IGF2BP1: variants seen among roughly 807,000 people sequenced by gnomAD.
The protein encoded by IGF2BP1 is insulin like growth factor 2 mRNA binding protein 1.
IGF2BP1 carries 11 observed loss-of-function variants against 74.9 expected under a neutral mutation model. That is an observed-to-expected ratio of 0.15 (90% confidence interval 0.09 to 0.24). The LOEUF (loss-of-function observed/expected upper bound fraction) is 0.24, where lower values mean the gene tolerates loss of function less well. Among genes scored for constraint, IGF2BP1 ranks in the 10% least tolerant of loss-of-function variants. The probability of loss-of-function intolerance (pLI) is 1.00; values close to 1 mark genes in which losing one functional copy is unlikely to be tolerated. For synonymous variants in IGF2BP1, 287 were observed against 281.8 expected, an observed-to-expected ratio of 1.02 and a Z score of -0.18; for missense variants, 440 against 757.4, an observed-to-expected ratio of 0.58 and a Z score of 4.92.
chr17:49,033,633 G>C (rs535752106), intron 5 of IGF2BP1, among the ~76,000 whole-genome samples: 1 of 151,648 alleles, frequency 6.6e-6, no homozygotes, highest in South Asian at 2.1e-4. Context: ...GTGAGCCACC[G>C]CACCCGGCTG....
At chr17:48,997,067 T>C (rs1567804952), upstream of IGF2BP1, among the ~76,000 whole-genome samples, 1 of 151,968 alleles carries the variant, frequency 6.6e-6, no homozygotes, top group Non-Finnish European at 1.5e-5. This position sits in a 1 kb window ranked among gnomAD's most constrained non-coding sequence, Gnocchi z 4.8. Context: ...AACCGTACAT[T>C]TTACCCTTTA....
intron 2 of IGF2BP1, 30 bp from the exon 3 acceptor site, chr17:49,025,588 T>C: frequency 3.7e-6 from 6 of 1,606,728 alleles, no homozygotes; most frequent in Non-Finnish European, 5.1e-6. Context: ...TTCAGAGCTT[T>C]CTTTAACTCT....
chr17:49,038,593 C>G, intron 6 of IGF2BP1, 144 bp downstream of exon 6: 1 of 812,524 alleles, frequency 1.2e-6, no homozygotes. Context: ...TCCCTGCTTC[C>G]AATACCAGCC....
intron 2 of IGF2BP1, among the ~76,000 whole-genome samples, chr17:49,013,328 T>C (rs1047202826): frequency 3.9e-5 from 6 of 152,118 alleles, no homozygotes; most frequent in Non-Finnish European, 5.9e-5. Flanking sequence ...GAGGAGAGCC[T>C]TCTTTCTCTG....
chr17:49,055,255 C>G lies in IGF2BP1; in HGVS notation c.*5811C>G, dbSNP rs373399646. On this transcript the variant is annotated 3_prime_UTR_variant, in exon 15 of 15. Transcript: ENST00000290341. ...TTTTTTCCCCCATAAATAAGTTTCA[C>G]TCTTTGGCGATTTTCTTCACTTGTT... The G allele has an allele frequency of 4.2e-5, 7 of 166,934 alleles. No homozygotes were observed. The highest frequency in any genetic ancestry group is 1.4e-4 in the African/African-American group (6 of 41,892). The allele number at this position is 166,934 out of a possible 1,614,324, so 10.3% of individuals were successfully genotyped here. A position where few individuals can be genotyped will look rare whatever the true frequency, so the allele number is the denominator to read the frequency against.
At chr17:49,036,249 C>G (rs945949403) in intron 5 of IGF2BP1, 1 of 152,172 alleles carries the variant, frequency 6.6e-6, no homozygotes, top group African/African-American at 2.4e-5. Flanking sequence ...TGGCGGACCC[C>G]ATTGGGTTGG....
chr17:49,043,588 C>T, intron 10 of IGF2BP1, 38 bp downstream of exon 10: 1 of 1,608,318 alleles, frequency 6.2e-7, no homozygotes, highest in Non-Finnish European at 8.5e-7. Context: ...TCCCTGGGCC[C>T]ATATGTGGCC....
rs141665494 is a variant in IGF2BP1 at position 49,006,657 on chromosome 17, T to A, written c.236+7488T>A. 2.6e-4 allele frequency among the ~76,000 whole-genome samples: 40 copies of A among 152,338 alleles called. 1 individual carries two copies. Among genetic ancestry groups the A allele is most frequent in the African/African-American group, 7.5e-4 (31 of 41,586 alleles). On this transcript the variant is annotated intron_variant, in intron 2 of 14. Coordinates refer to ENST00000290341, the MANE Select transcript of IGF2BP1 (RefSeq NM_006546.4). ...GCCTGAAAATGTGTCCATGAGAGGT[T>A]GTCTTTGAACTGTGTGTGTGTCAGC... is the stretch of plus-strand genomic sequence containing the variant.
At chr17:48,999,923 G>GGTGTGTGTGTGT (rs371605973) in intron 2 of IGF2BP1, among the ~76,000 whole-genome samples, 1,492 of 134,062 alleles carry the variant, frequency 0.011, 10 homozygotes, top group East Asian at 0.018. Flanking sequence ...GTGGATGAAT[G>GGTGTGTGTGTGT]GTGTGTGTGT....
intron 2 of IGF2BP1, among the ~76,000 whole-genome samples, chr17:49,021,505 C>T (rs973156179): frequency 2.6e-5 from 4 of 152,110 alleles, no homozygotes; most frequent in Non-Finnish European, 5.9e-5. Flanking sequence ...GGCAAGCTGC[C>T]GCCCCCGTCC....
At position 48,997,569 on chromosome 17, in the gene IGF2BP1, T is replaced by G. The variant is rs1184145520; in HGVS notation, c.-177T>G. ...TCTCCCCGAACTCTCCCGCGACCTC[T>G]GCGCGCCCTCAGGCCGCCTTCCCCG... is the stretch of plus-strand genomic sequence containing the variant. On this transcript the variant is annotated 5_prime_UTR_variant, in exon 1 of 15. Transcript: ENST00000290341. This position sits in a 1 kb window ranked among gnomAD's most constrained non-coding sequence, Gnocchi z 4.8. 9 of 638,662 alleles carry G rather than the reference T, an allele frequency of 1.4e-5. No homozygotes were observed. Among genetic ancestry groups the G allele is most frequent in the Non-Finnish European group, 2.1e-5 (8 of 375,636 alleles). The allele number at this position is 638,662 out of a possible 1,614,324, so 39.6% of individuals were successfully genotyped here. A position where few individuals can be genotyped will look rare whatever the true frequency, so the allele number is the denominator to read the frequency against.
At chr17:49,009,130 C>T (rs928390917) in intron 2 of IGF2BP1, among the ~76,000 whole-genome samples, 11 of 151,960 alleles carry the variant, frequency 7.2e-5, no homozygotes, top group South Asian at 4.2e-4. Context: ...CGGGTTCAAG[C>T]GATTCTCCTG....
chr17:49,026,404 G>T lies in IGF2BP1; in HGVS notation c.286-62G>T, dbSNP rs1318217380. On this transcript the variant is annotated intron_variant, in intron 3 of 14. Coordinates refer to ENST00000290341, the MANE Select transcript of IGF2BP1 (RefSeq NM_006546.4). ...TGCTTTGGGATGCAGGGTGTCCAGT[G>T]GCTGCTTTGCAAGGGTCTTGGGACT... The T allele has an allele frequency of 2.0e-6, 3 of 1,478,246 alleles. No individual in the cohort carries two copies. In the African/African-American group the frequency reaches 4.1e-5, roughly 20 times the overall value. The allele number at this position is 1,478,246 out of a possible 1,614,324, so 91.6% of individuals were successfully genotyped here.
At position 49,041,379 on chromosome 17, in the gene IGF2BP1, G is replaced by A; in HGVS notation, c.820G>A (p.Ala274Thr). The A allele has an allele frequency of 6.2e-7, 1 of 1,613,974 alleles. No homozygotes were observed. ...CACTTCTTCCTTTGTCTTCCCAAGG[G>A]CTGACGAGGTTCCCCTGAAGATCCT... The part of the protein sequence containing the change: ...MHKEAKDTKT[A>T]DEVPLKILAH... The change falls in exon 8 of 15, where the codon GCT (alanine) becomes ACT (threonine). Residue 274 changes from alanine to threonine, a missense_variant and splice_region_variant. Coordinates refer to ENST00000290341, the MANE Select transcript of IGF2BP1 (RefSeq NM_006546.4).
rs944047621 is a variant in IGF2BP1 at position 49,052,332 on chromosome 17, T to C, written c.*2888T>C. The C allele has an allele frequency of 3.3e-5, 5 of 152,172 alleles. No individual in the cohort carries two copies. Among genetic ancestry groups the C allele is most frequent in the Admixed American group, 6.5e-5 (1 of 15,274 alleles). 9.4% of individuals were successfully genotyped at this position (152,172 alleles called of 1,614,324 possible). ...TTCCAGCAGCAAGCATGCTTTGATATCTGGTTCAGACTATCATCAGGAAGA... is the reference window on the plus strand; with the variant it reads ...TTCCAGCAGCAAGCATGCTTTGATACCTGGTTCAGACTATCATCAGGAAGA... On this transcript the variant is annotated 3_prime_UTR_variant, in exon 15 of 15. Coordinates refer to ENST00000290341, the MANE Select transcript of IGF2BP1 (RefSeq NM_006546.4).
intron 7 of IGF2BP1, among the ~76,000 whole-genome samples, chr17:49,040,373 G>A (rs571622707): frequency 5.2e-4 from 79 of 152,200 alleles, no homozygotes; most frequent in Non-Finnish European, 7.9e-4. Context: ...GCACCACCAC[G>A]CCTGCCTAGT....
At chr17:49,041,557 C>T in intron 8 of IGF2BP1, 57 bp downstream of exon 8, 2 of 1,605,336 alleles carry the variant, frequency 1.2e-6, no homozygotes, top group Non-Finnish European at 1.7e-6. Context: ...GGGCCAGGGT[C>T]AGTATTTCAT....
At chr17:49,021,845 C>T in intron 2 of IGF2BP1, among the ~76,000 whole-genome samples, 1 of 152,210 alleles carries the variant, frequency 6.6e-6, no homozygotes, top group Admixed American at 6.5e-5. Flanking sequence ...AGAAGCTGGT[C>T]TACTGAAGTG....
Position 49,056,122 on chromosome 17 carries a change from A to T in IGF2BP1, c.*6678A>T, listed in dbSNP as rs1039372740. Among the ~76,000 whole-genome samples the T allele has an allele frequency of 6.6e-6, 1 of 152,254 alleles. No homozygotes were observed. Among genetic ancestry groups the T allele is most frequent in the East Asian group, 1.9e-4 (1 of 5,170 alleles). On this transcript the variant is annotated 3_prime_UTR_variant, in exon 15 of 15. Coordinates refer to ENST00000290341, the MANE Select transcript of IGF2BP1 (RefSeq NM_006546.4). ...TTTTGCTGTTTCAATTTCAAAATAA[A>T]AGGAAACTTATATTGAAAGACAAGT...
Sources: gnomAD v4.1 joint callset for allele counts (sites outside exome capture counted in the v4.1 genomes callset) on GRCh38, gnomAD v4.1.1 for gene constraint, Gnocchi (gnomAD v3.1) non-coding constraint, MANE v1.5 for transcripts, NCBI Gene and HGNC (gene_info 2026-07-23, HGNC 2026-07-21) for gene names.